The following REC114 variants were observed in gnomAD, a reference collection of about 807,000 sequenced individuals.
REC114 encodes the protein meiotic recombination protein REC114.
Under a neutral mutation model 31.3 loss-of-function variants are expected in REC114, and 27 were observed. The observed-to-expected ratio is 0.86, with a 90% CI of 0.64 to 1.19. The LOEUF (loss-of-function observed/expected upper bound fraction) is 1.19, where lower values mean the gene tolerates loss of function less well. Ranked by LOEUF, REC114 falls within the 50% of genes most tolerant of loss-of-function variation. The pLI is 0.00. For missense variants in REC114, 344 were observed against 326.9 expected (o/e 1.05, Z -0.40); for synonymous variants, 134 against 127.7 (o/e 1.05, Z -0.33).
intron 2 of REC114, among the ~76,000 whole-genome samples, chr15:73,495,937 T>C (rs1893515962): frequency 6.6e-6 from 1 of 152,174 alleles, no homozygotes; most frequent in African/African-American, 2.4e-5. Context: ...CAGTGGACCT[T>C]ATTGAGCAGA....
intron 2 of REC114, among the ~76,000 whole-genome samples, chr15:73,516,556 G>C (rs995562333): frequency 2.6e-5 from 4 of 152,174 alleles, no homozygotes; most frequent in Non-Finnish European, 5.9e-5. Flanking sequence ...AACCTTGGAG[G>C]TTGTATTGAT....
chr15:73,492,980 G>A (rs1893466191), intron 2 of REC114, among the ~76,000 whole-genome samples: 1 of 151,014 alleles, frequency 6.6e-6, no homozygotes, highest in South Asian at 2.1e-4. Context: ...TTTTATTTCT[G>A]CCATTTTTTT....
At chr15:73,539,711 A>G (rs1228704947) in intron 2 of REC114, among the ~76,000 whole-genome samples, 1 of 152,006 alleles carries the variant, frequency 6.6e-6, no homozygotes, top group Non-Finnish European at 1.5e-5. Flanking sequence ...GGCAGTTTCC[A>G]TGCAATTTTT....
At chr15:73,513,446 G>A (rs796717399) in intron 2 of REC114, among the ~76,000 whole-genome samples, 5 of 148,578 alleles carry the variant, frequency 3.4e-5, no homozygotes, top group East Asian at 2.0e-4. Flanking sequence ...CTCTCAGCTC[G>A]TCAAAGTCAT....
At chr15:73,482,783 A>G (rs1198395807) in intron 2 of REC114, among the ~76,000 whole-genome samples, 2 of 152,232 alleles carry the variant, frequency 1.3e-5, no homozygotes, top group Non-Finnish European at 2.9e-5. Context: ...ATTGTGAATA[A>G]TGCTGCTGTG....
intron 2 of REC114, among the ~76,000 whole-genome samples, chr15:73,503,038 A>T (rs1437250240): frequency 6.6e-6 from 1 of 152,254 alleles, no homozygotes; most frequent in African/African-American, 2.4e-5. Context: ...AAGGATGCAG[A>T]ATAAATGGAG....
chr15:73,492,900 G>A (rs1378638388), intron 2 of REC114, among the ~76,000 whole-genome samples: 2 of 151,898 alleles, frequency 1.3e-5, no homozygotes, highest in South Asian at 4.2e-4. Flanking sequence ...TGGCCAGCTG[G>A]ATATCCTCTT....
At chr15:73,459,279 G>T (rs1044745962) in intron 1 of REC114, among the ~76,000 whole-genome samples, 1 of 151,200 alleles carries the variant, frequency 6.6e-6, no homozygotes, top group African/African-American at 2.4e-5. Flanking sequence ...ACTCAGACTG[G>T]AGTACAGTGG....
intron 2 of REC114, among the ~76,000 whole-genome samples, chr15:73,509,401 C>T (rs1595873548): frequency 2.0e-5 from 3 of 150,776 alleles, no homozygotes; most frequent in African/African-American, 7.4e-5. Context: ...TGCCTGTTCA[C>T]TCTGATGGTA....
intron 2 of REC114, among the ~76,000 whole-genome samples, chr15:73,531,556 T>C (rs1396722337): frequency 1.3e-5 from 2 of 152,206 alleles, no homozygotes; most frequent in African/African-American, 2.4e-5. Context: ...CCTCAGGCTG[T>C]GCCAGAACTG....
At chr15:73,471,268 G>A (rs1893128474) in intron 1 of REC114, among the ~76,000 whole-genome samples, 1 of 152,158 alleles carries the variant, frequency 6.6e-6, no homozygotes, top group Non-Finnish European at 1.5e-5. Context: ...TGGATATTTT[G>A]AAGATAGACA....
intron 3 of REC114, among the ~76,000 whole-genome samples, chr15:73,541,618 C>T (rs1391987926): frequency 6.6e-6 from 1 of 152,158 alleles, no homozygotes; most frequent in East Asian, 1.9e-4. Flanking sequence ...ATCTGGAGCA[C>T]ACACTCCAAA....
chr15:73,543,972 G>A (rs1459436822), intron 3 of REC114, among the ~76,000 whole-genome samples: 3 of 98,198 alleles, frequency 3.1e-5, no homozygotes, highest in Admixed American at 1.5e-4. Flanking sequence ...TTTTTGAGAA[G>A]AGTCTAACTC....
intron 1 of REC114, among the ~76,000 whole-genome samples, chr15:73,461,626 A>G (rs1323064162): frequency 6.6e-6 from 1 of 152,116 alleles, no homozygotes; most frequent in Non-Finnish European, 1.5e-5. Context: ...ATGCATGTAA[A>G]TTTTGAGAAG....
chr15:73,556,441 C>A, intron 5 of REC114, 50 bp downstream of exon 5: 1 of 1,468,586 alleles, frequency 6.8e-7, no homozygotes, highest in South Asian at 1.2e-5. Flanking sequence ...AGCAGTGACC[C>A]CTAAGAATTT....
At chr15:73,497,561 C>T (rs559647332) in intron 2 of REC114, among the ~76,000 whole-genome samples, 3 of 152,274 alleles carry the variant, frequency 2.0e-5, no homozygotes, top group African/African-American at 7.2e-5. Flanking sequence ...ATGAAATTCA[C>T]CTTTAGGCAA....
intron 2 of REC114, among the ~76,000 whole-genome samples, chr15:73,479,535 T>G (rs920756800): frequency 7.9e-5 from 12 of 152,116 alleles, no homozygotes; most frequent in African/African-American, 2.9e-4. Context: ...TAGAATTTAT[T>G]CATCCTATAT....
chr15:73,453,191 C>G (rs953911864), intron 1 of REC114, among the ~76,000 whole-genome samples: 1 of 152,154 alleles, frequency 6.6e-6, no homozygotes, highest in African/African-American at 2.4e-5. Context: ...TCAGAGTGAA[C>G]AGGCAATCTA....
intron 2 of REC114, among the ~76,000 whole-genome samples, chr15:73,529,888 C>A (rs570998342): frequency 1.3e-5 from 2 of 152,276 alleles, no homozygotes; most frequent in South Asian, 2.1e-4. Flanking sequence ...AGCACGTAAT[C>A]TGGTACATAC....
Sources: gnomAD v4.1 joint callset for allele counts (sites outside exome capture counted in the v4.1 genomes callset) on GRCh38, gnomAD v4.1.1 for gene constraint, MANE v1.5 for transcripts, NCBI Gene and HGNC (gene_info 2026-07-23, HGNC 2026-07-21) for gene names.